Variants in REDIC1 observed in about 807,000 individuals in gnomAD.
REDIC1 encodes HEI10 Interacting Protein 1.
the REDIC1 span, among the ~76,000 whole-genome samples, chr12:39,664,537 C>A: frequency 4.5e-4 from 68 of 152,164 alleles, no homozygotes; most frequent in Admixed American, 2.0e-3. Flanking sequence ...AATAAACATA[C>A]GTGTGCATGT....
chr12:39,657,241 C>T, the REDIC1 span, among the ~76,000 whole-genome samples: 3 of 152,150 alleles, frequency 2.0e-5, no homozygotes, highest in Admixed American at 2.0e-4. Context: ...TTGTGTTACA[C>T]TTGCCTACAA....
At chr12:39,772,850 A>G in the REDIC1 span, among the ~76,000 whole-genome samples, 2 of 128,030 alleles carry the variant, frequency 1.6e-5, no homozygotes, top group Non-Finnish European at 3.4e-5. Context: ...TTACATGTGC[A>G]AAAAAAAGGC....
At chr12:39,635,742 C>T in the REDIC1 span, among the ~76,000 whole-genome samples, 151 of 151,864 alleles carry the variant, frequency 9.9e-4, 2 homozygotes, top group African/African-American at 3.4e-3. Context: ...TGTATAGCTA[C>T]GTAACAAACC....
the REDIC1 span, among the ~76,000 whole-genome samples, chr12:39,665,852 ACTCATGATTTGG>A: frequency 3.9e-5 from 6 of 152,206 alleles, no homozygotes; most frequent in African/African-American, 1.4e-4. Flanking sequence ...ATGGGAGTTC[ACTCATGATTTGG>A]CTCTGTTTGT....
the REDIC1 span, chr12:39,907,670 T>C: frequency 2.6e-5 from 4 of 152,308 alleles, no homozygotes; most frequent in African/African-American, 9.6e-5. Context: ...GGAAATAGAA[T>C]GAGGTGCATC....
the REDIC1 span, among the ~76,000 whole-genome samples, chr12:39,896,681 T>G: frequency 6.6e-6 from 1 of 151,830 alleles, no homozygotes; most frequent in Admixed American, 6.6e-5. Context: ...AATATTAATA[T>G]CCCTCGTTAT....
At chr12:39,775,708 G>A in the REDIC1 span, among the ~76,000 whole-genome samples, 2 of 152,188 alleles carry the variant, frequency 1.3e-5, no homozygotes, top group South Asian at 4.1e-4. Flanking sequence ...CAGAGAATAA[G>A]TTATATGGAT....
chr12:39,862,052 G>A, the REDIC1 span, among the ~76,000 whole-genome samples: 53 of 152,190 alleles, frequency 3.5e-4, 1 homozygote, highest in South Asian at 2.7e-3. Context: ...CCTAACAGGC[G>A]CCAGTGTGTG....
chr12:39,646,887 A>G, the REDIC1 span: 8 of 1,591,696 alleles, frequency 5.0e-6, no homozygotes, highest in Non-Finnish European at 6.0e-6. Flanking sequence ...GGCCCAGTCC[A>G]GGTGAGATTT....
chr12:39,714,385 A>G, the REDIC1 span, among the ~76,000 whole-genome samples: 10 of 54,124 alleles, frequency 1.8e-4, 4 homozygotes, highest in African/African-American at 3.6e-4. Flanking sequence ...GTATATGTGT[A>G]TATGTATATA....
the REDIC1 span, among the ~76,000 whole-genome samples, chr12:39,903,664 C>T: frequency 6.6e-6 from 1 of 152,060 alleles, no homozygotes; most frequent in Non-Finnish European, 1.5e-5. Flanking sequence ...CAGGCATCTT[C>T]TGATAACAAG....
chr12:39,640,239 G>A, the REDIC1 span, among the ~76,000 whole-genome samples: 1 of 151,770 alleles, frequency 6.6e-6, no homozygotes, highest in African/African-American at 2.4e-5. Flanking sequence ...AAGAGGCTAC[G>A]TAGAGTCAGC....
chr12:39,666,906 A>G, the REDIC1 span, among the ~76,000 whole-genome samples: 1 of 151,968 alleles, frequency 6.6e-6, no homozygotes, highest in Non-Finnish European at 1.5e-5. Flanking sequence ...TGGGATTGGT[A>G]GTGATATCCC....
chr12:39,774,825 T>TA, the REDIC1 span, among the ~76,000 whole-genome samples: 31 of 152,216 alleles, frequency 2.0e-4, no homozygotes, highest in South Asian at 2.1e-4. Context: ...TCCTTATCGG[T>TA]ATATTGACTA....
the REDIC1 span, among the ~76,000 whole-genome samples, chr12:39,713,362 G>A: frequency 2.1e-5 from 3 of 142,252 alleles, no homozygotes; most frequent in East Asian, 2.1e-4. Flanking sequence ...ACACATATAC[G>A]TGTATACACA....
chr12:39,847,748 G>A, the REDIC1 span, among the ~76,000 whole-genome samples: 1 of 151,888 alleles, frequency 6.6e-6, no homozygotes, highest in Non-Finnish European at 1.5e-5. Flanking sequence ...GTTATTTTGG[G>A]TTCTTCTGTA....
At chr12:39,896,292 G>A in the REDIC1 span, among the ~76,000 whole-genome samples, 88 of 36,832 alleles carry the variant, frequency 2.4e-3, 2 homozygotes, top group East Asian at 0.099. Context: ...GTATGTATAT[G>A]TGTGTATATA....
the REDIC1 span, among the ~76,000 whole-genome samples, chr12:39,716,602 A>G: frequency 1.3e-5 from 2 of 152,054 alleles, no homozygotes; most frequent in Non-Finnish European, 2.9e-5. Context: ...GTAAGGTGCC[A>G]AGTATCCACA....
At chr12:39,884,442 G>C in the REDIC1 span, among the ~76,000 whole-genome samples, 1 of 152,082 alleles carries the variant, frequency 6.6e-6, no homozygotes, top group Non-Finnish European at 1.5e-5. Flanking sequence ...CTACAAATAA[G>C]TCACAGTAAT....
Sources: gnomAD v4.1 joint callset for allele counts (sites outside exome capture counted in the v4.1 genomes callset) on GRCh38, gnomAD v4.1.1 for gene constraint, MANE v1.5 for transcripts, NCBI Gene and HGNC (gene_info 2026-07-23, HGNC 2026-07-21) for gene names.